ASB5: variants seen among roughly 807,000 people sequenced by gnomAD.
ASB5 encodes ankyrin repeat and SOCS box protein 5.
In ASB5, 45 loss-of-function variants were observed where a neutral mutation model predicts 42.1. The observed-to-expected ratio is 1.07, with a 90% CI of 0.84 to 1.37. ASB5 has a LOEUF of 1.37. Ranked by LOEUF, ASB5 falls within the 40% of genes most tolerant of loss-of-function variation. ASB5 has a pLI of 0.00. For synonymous variants in ASB5, 147 were observed against 150.6 expected (o/e 0.98, Z 0.18); for missense variants, 402 against 399.8 (o/e 1.01, Z -0.05).
At position 176,222,943 on chromosome 4, in the gene ASB5, A is replaced by AT. The variant is rs1453359107; in HGVS notation, c.277-524_277-523insA. On this transcript the variant is annotated intron_variant, in intron 2 of 6. Transcript: ENST00000296525. ...CAGGCGCCCACCACAAGGCCGGGCT[A>AT]ATTTTTTTGTATTTTTAGTAGACAC... 3.7e-5 allele frequency among the ~76,000 whole-genome samples: 4 copies of AT among 107,762 alleles called. No individual in the cohort carries two copies. The East Asian group carries it at 8.8e-4, about 24-fold the overall frequency. 70.7% of individuals were successfully genotyped at this position (107,762 alleles called of 152,430 possible).
chr4:176,241,450 G>A (rs1477737932), intron 1 of ASB5: 2 of 1,527,854 alleles, frequency 1.3e-6, no homozygotes, highest in East Asian at 4.9e-5. Flanking sequence ...AAATCCTAAG[G>A]TTTTCTTTTA....
chr4:176,232,267 CAT>C (rs1054571554), intron 1 of ASB5, among the ~76,000 whole-genome samples: 2 of 151,892 alleles, frequency 1.3e-5, no homozygotes, highest in African/African-American at 2.4e-5. Flanking sequence ...GGATTACAGA[CAT>C]GTGCCAACAC....
At chr4:176,243,026 C>A (rs2126964471) in intron 1 of ASB5, among the ~76,000 whole-genome samples, 1 of 152,146 alleles carries the variant, frequency 6.6e-6, no homozygotes, top group Admixed American at 6.5e-5. Flanking sequence ...TATATATTAT[C>A]TATATTTTCT....
At chr4:176,218,123 C>CTA (rs796721294) in intron 5 of ASB5, among the ~76,000 whole-genome samples, 1 of 139,362 alleles carries the variant, frequency 7.2e-6, no homozygotes, top group East Asian at 2.1e-4. Context: ...ACAGTAATTT[C>CTA]TATATATATA....
chr4:176,260,586 G>A (rs1754245092), intron 1 of ASB5, among the ~76,000 whole-genome samples: 1 of 152,196 alleles, frequency 6.6e-6, no homozygotes, highest in Non-Finnish European at 1.5e-5. Context: ...CTGCTTTGTA[G>A]CATTGCTGAG....
intron 1 of ASB5, among the ~76,000 whole-genome samples, chr4:176,236,375 C>T (rs1220880750): frequency 6.6e-6 from 1 of 152,156 alleles, no homozygotes; most frequent in Admixed American, 6.5e-5. Context: ...CAGTGTCTAG[C>T]ACGCAGTCAA....
intron 1 of ASB5, among the ~76,000 whole-genome samples, chr4:176,233,725 A>C (rs569306649): frequency 1.1e-4 from 17 of 152,072 alleles, no homozygotes; most frequent in Non-Finnish European, 2.2e-4. Context: ...ATCTATCTAC[A>C]TTAACTCTTG....
At chr4:176,218,299 TATATAA>T (rs1753041037) in intron 5 of ASB5, among the ~76,000 whole-genome samples, 1 of 94,200 alleles carries the variant, frequency 1.1e-5, no homozygotes, top group African/African-American at 4.1e-5. Flanking sequence ...ATTTGTATGA[TATATAA>T]ATATATATAT....
chr4:176,221,371 T>C, intron 4 of ASB5, 79 bp downstream of exon 4: 4 of 1,596,410 alleles, frequency 2.5e-6, no homozygotes, highest in East Asian at 2.2e-5. Flanking sequence ...GTGGTGTCAT[T>C]CATTGAAAGA....
intron 1 of ASB5, 90 bp downstream of exon 1, chr4:176,268,823 C>T: frequency 8.9e-7 from 1 of 1,124,772 alleles, no homozygotes; most frequent in Non-Finnish European, 1.2e-6. Flanking sequence ...AAATATTTAC[C>T]TTGAAGCAGT....
intron 1 of ASB5, among the ~76,000 whole-genome samples, chr4:176,255,822 C>G (rs1462633377): frequency 6.6e-6 from 1 of 152,090 alleles, no homozygotes; most frequent in Non-Finnish European, 1.5e-5. Context: ...ACAACATACC[C>G]AGGTAACAAA....
intron 1 of ASB5, among the ~76,000 whole-genome samples, chr4:176,264,676 C>A (rs2126978218): frequency 6.6e-6 from 1 of 152,210 alleles, no homozygotes; most frequent in African/African-American, 2.4e-5. Context: ...CAAGGGGTGG[C>A]CTTGGCTGGA....
intron 1 of ASB5, among the ~76,000 whole-genome samples, chr4:176,240,222 T>G (rs557811902): frequency 6.6e-6 from 1 of 152,170 alleles, no homozygotes; most frequent in East Asian, 1.9e-4. Flanking sequence ...TAGAAGATAA[T>G]GGACTCTGAA....
chr4:176,234,534 C>T (rs1421549268), intron 1 of ASB5, among the ~76,000 whole-genome samples: 2 of 152,204 alleles, frequency 1.3e-5, no homozygotes, highest in Non-Finnish European at 2.9e-5. Flanking sequence ...TACTTTTCTT[C>T]TCAGCACTTA....
intron 1 of ASB5, among the ~76,000 whole-genome samples, chr4:176,231,633 G>A (rs1202640462): frequency 5.0e-5 from 7 of 141,184 alleles, no homozygotes; most frequent in African/African-American, 1.8e-4. Flanking sequence ...GATCAGCCTG[G>A]GCAACATAGT....
intron 1 of ASB5, among the ~76,000 whole-genome samples, chr4:176,240,996 C>G (rs1753799631): frequency 6.6e-6 from 1 of 152,184 alleles, no homozygotes; most frequent in African/African-American, 2.4e-5. Flanking sequence ...CAATTATCAA[C>G]TTACGGTTAG....
At chr4:176,256,079 G>A (rs867339162) in intron 1 of ASB5, among the ~76,000 whole-genome samples, 5 of 152,090 alleles carry the variant, frequency 3.3e-5, no homozygotes, top group African/African-American at 4.8e-5. Context: ...ATTCAAAAAC[G>A]TTACTCTCAA....
intron 1 of ASB5, among the ~76,000 whole-genome samples, chr4:176,236,295 T>C (rs150868169): frequency 0.011 from 1,633 of 152,294 alleles, 30 homozygotes; most frequent in African/African-American, 0.037. Flanking sequence ...TCTTTAATAA[T>C]TGCATTCCTT....
At chr4:176,217,567 T>C (rs1040212647) in intron 5 of ASB5, among the ~76,000 whole-genome samples, 14 of 152,130 alleles carry the variant, frequency 9.2e-5, no homozygotes, top group African/African-American at 1.4e-4. Flanking sequence ...AGTCAGTAAG[T>C]ATATAAAGAT....
Sources: allele counts gnomAD v4.1 joint callset (sites outside exome capture counted in the v4.1 genomes callset), GRCh38; gene constraint gnomAD v4.1.1; transcripts MANE v1.5; gene names NCBI Gene and HGNC (gene_info 2026-07-23, HGNC 2026-07-21).